The following PRR16 variants were observed in gnomAD, a reference collection of about 807,000 sequenced individuals.
The protein encoded by PRR16 is protein Largen.
In PRR16, 6 loss-of-function variants were observed where a neutral mutation model predicts 18.2. The observed-to-expected ratio is 0.33, with a 90% confidence interval of 0.18 to 0.65. The LOEUF is 0.65. Ranked by LOEUF, PRR16 falls within the 30% of genes least tolerant of loss-of-function variation. The pLI is 0.74. For synonymous variants in PRR16, 151 were observed against 147.8 expected (o/e 1.02, Z -0.16); for missense variants, 412 against 376.6 (o/e 1.09, Z -0.78).
chr5:120,513,520 A>G (rs1014186986), intron 1 of PRR16, among the ~76,000 whole-genome samples: 3 of 151,978 alleles, frequency 2.0e-5, no homozygotes, highest in Non-Finnish European at 2.9e-5. Flanking sequence ...CATGGCCTTC[A>G]CATGTTTCCT....
chr5:120,697,742 T>TG, the PRR16 span, among the ~76,000 whole-genome samples: 7 of 147,926 alleles, frequency 4.7e-5, no homozygotes, highest in South Asian at 2.2e-4. Flanking sequence ...CGGGCAGGAG[T>TG]GGGGGTCGCA....
At chr5:120,696,470 T>G in the PRR16 span, among the ~76,000 whole-genome samples, 1 of 152,180 alleles carries the variant, frequency 6.6e-6, no homozygotes, top group Admixed American at 6.5e-5. Flanking sequence ...TTGAAGAAAT[T>G]GTATAGTGTA....
chr5:120,784,877 G>C, the PRR16 span, among the ~76,000 whole-genome samples: 1 of 152,150 alleles, frequency 6.6e-6, no homozygotes, highest in African/African-American at 2.4e-5. Flanking sequence ...GACCAGGACA[G>C]GAATATCCAT....
chr5:120,784,482 G>A, the PRR16 span, among the ~76,000 whole-genome samples: 1 of 152,006 alleles, frequency 6.6e-6, no homozygotes, highest in Non-Finnish European at 1.5e-5. Flanking sequence ...TTTTGTATAT[G>A]CCTGTTGGCA....
intron 1 of PRR16, among the ~76,000 whole-genome samples, chr5:120,506,596 T>C (rs1264794047): frequency 6.6e-6 from 1 of 152,152 alleles, no homozygotes; most frequent in East Asian, 1.9e-4. Flanking sequence ...ATCATAGTTT[T>C]GATTTGCATT....
rs1389467236 is a variant in PRR16 at position 120,687,171 on chromosome 5, A to AAATGCTGAG, written c.*463_*471dup. ...TGTTTGTCACTAGTTTTTCATTATT[A>AAATGCTGAG]AATGCTGAGGCCAATACCAAGAAGT... On this transcript the variant is annotated 3_prime_UTR_variant, in exon 2 of 2. Coordinates refer to ENST00000407149, the MANE Select transcript of PRR16 (RefSeq NM_001300783.2). 1 of 152,770 alleles carries AAATGCTGAG rather than the reference A, an allele frequency of 6.5e-6. No individual in the cohort carries two copies. Among genetic ancestry groups the AAATGCTGAG allele is most frequent in the Non-Finnish European group, 1.5e-5 (1 of 68,190 alleles). The allele number at this position is 152,770 out of a possible 1,614,324, so 9.5% of individuals were successfully genotyped here.
At chr5:120,779,303 A>G in the PRR16 span, among the ~76,000 whole-genome samples, 1 of 152,178 alleles carries the variant, frequency 6.6e-6, no homozygotes, top group African/African-American at 2.4e-5. Flanking sequence ...GTTTTCAAAA[A>G]CATTTTTGGC....
the PRR16 span, among the ~76,000 whole-genome samples, chr5:120,736,121 G>C: frequency 6.6e-6 from 1 of 152,122 alleles, no homozygotes; most frequent in African/African-American, 2.4e-5. Context: ...AAGATCATTT[G>C]ACCACACACG....
At position 120,472,894 on chromosome 5, in the gene PRR16, A is replaced by G. The variant is rs148539005; in HGVS notation, c.159+8249A>G. Among the ~76,000 whole-genome samples, 119 of 152,328 alleles carry G rather than the reference A, an allele frequency of 7.8e-4. 1 individual carries two copies. Among genetic ancestry groups the G allele is most frequent in the African/African-American group, 2.6e-3 (110 of 41,596 alleles). ...TTTCTTATGATGTTTGCCATAGTAT[A>G]TCAGTAAATAGATGGACAAAAAGTT... On this transcript the variant is annotated intron_variant, in intron 1 of 1. Transcript: ENST00000407149.
At chr5:120,713,266 A>G in the PRR16 span, among the ~76,000 whole-genome samples, 1 of 152,170 alleles carries the variant, frequency 6.6e-6, no homozygotes, top group South Asian at 2.1e-4. Flanking sequence ...ACTTACGTGT[A>G]AAATCTATTT....
chr5:120,684,782 G>C (rs1043561954), intron 1 of PRR16, among the ~76,000 whole-genome samples: 1 of 152,154 alleles, frequency 6.6e-6, no homozygotes, highest in Non-Finnish European at 1.5e-5. Context: ...AGACTCCCCA[G>C]TATCCTTGCC....
At chr5:120,648,994 G>A (rs1755688219) in intron 1 of PRR16, among the ~76,000 whole-genome samples, 1 of 152,104 alleles carries the variant, frequency 6.6e-6, no homozygotes, top group Non-Finnish European at 1.5e-5. Flanking sequence ...AATGGTTATT[G>A]CTTTTGTTTT....
At chr5:120,705,166 A>G in the PRR16 span, among the ~76,000 whole-genome samples, 5 of 152,228 alleles carry the variant, frequency 3.3e-5, no homozygotes, top group Non-Finnish European at 1.5e-5. Context: ...TTGCTTAGGT[A>G]TCAGTAATAT....
At chr5:120,687,926 C>G (rs1221474718), downstream of PRR16, among the ~76,000 whole-genome samples, 2 of 152,160 alleles carry the variant, frequency 1.3e-5, no homozygotes, top group Non-Finnish European at 2.9e-5. Context: ...TGTCCTGGAG[C>G]TGGAAATGAG....
intron 1 of PRR16, among the ~76,000 whole-genome samples, chr5:120,596,161 T>C (rs1489644570): frequency 2.0e-5 from 3 of 150,280 alleles, no homozygotes; most frequent in Non-Finnish European, 4.4e-5. Flanking sequence ...TTTTAATCCA[T>C]CGGCCATTGT....
intron 1 of PRR16, among the ~76,000 whole-genome samples, chr5:120,531,714 G>A (rs1330346880): frequency 1.3e-5 from 2 of 151,826 alleles, no homozygotes; most frequent in East Asian, 3.9e-4. Flanking sequence ...TCCCTAGATT[G>A]GCATGCATTT....
At chr5:120,478,696 T>A (rs1749517917) in intron 1 of PRR16, among the ~76,000 whole-genome samples, 1 of 152,110 alleles carries the variant, frequency 6.6e-6, no homozygotes, top group African/African-American at 2.4e-5. Context: ...CATTTTTCCT[T>A]TTTGCCTAGG....
At chr5:120,583,136 A>G (rs1459931599) in intron 1 of PRR16, among the ~76,000 whole-genome samples, 1 of 152,214 alleles carries the variant, frequency 6.6e-6, no homozygotes. Context: ...AGGGTCAGCC[A>G]AGCTAAAGTC....
intron 1 of PRR16, among the ~76,000 whole-genome samples, chr5:120,542,162 G>C (rs1751936649): frequency 6.6e-6 from 1 of 152,078 alleles, no homozygotes; most frequent in Non-Finnish European, 1.5e-5. Context: ...GGCCTTGTTA[G>C]TGCCTCGAGT....
Sources: allele counts gnomAD v4.1 joint callset (sites outside exome capture counted in the v4.1 genomes callset), GRCh38; gene constraint gnomAD v4.1.1; transcripts MANE v1.5; gene names NCBI Gene and HGNC (gene_info 2026-07-23, HGNC 2026-07-21).